HMGCLL1: variants seen among roughly 807,000 people sequenced by gnomAD.
The protein encoded by HMGCLL1 is 3-hydroxymethyl-3-methylglutaryl-CoA lyase, cytoplasmic.
In HMGCLL1, 36 loss-of-function variants were observed where a neutral mutation model predicts 39.1. The ratio of observed to expected loss-of-function variants is 0.92; its 90% confidence interval spans 0.71 to 1.22. The LOEUF (loss-of-function observed/expected upper bound fraction) is 1.22. Among genes scored for constraint, HMGCLL1 ranks in the 50% most tolerant of loss-of-function variants. The pLI is 0.00. For missense variants in HMGCLL1, 451 were observed against 416.5 expected (o/e 1.08, Z -0.72); for synonymous variants, 149 against 144.0 (o/e 1.03, Z -0.25).
chr6:55,596,447 T>C, the HMGCLL1 span, among the ~76,000 whole-genome samples: 1 of 152,200 alleles, frequency 6.6e-6, no homozygotes, highest in African/African-American at 2.4e-5. Context: ...AAACAAAGCC[T>C]GCAGACAGAT....
chr6:55,513,127 ACTC>A (rs1561928096), intron 5 of HMGCLL1: 1 of 151,676 alleles, frequency 6.6e-6, no homozygotes, highest in Non-Finnish European at 1.5e-5. Flanking sequence ...GCTTTCTACT[ACTC>A]TGTCCTGTCA....
intron 1 of HMGCLL1, chr6:55,566,495 G>A (rs2127473546): frequency 2.6e-6 from 1 of 382,084 alleles, no homozygotes; most frequent in East Asian, 7.4e-5. Flanking sequence ...TGACATTTGA[G>A]GCACTTACTA....
chr6:55,438,354 T>G (rs556544873), intron 8 of HMGCLL1, among the ~76,000 whole-genome samples: 34 of 152,164 alleles, frequency 2.2e-4, no homozygotes, highest in Admixed American at 2.0e-3. Flanking sequence ...AGGCACCAAG[T>G]ATAAAGTATG....
chr6:55,440,320 C>T (rs1193705275), intron 7 of HMGCLL1, among the ~76,000 whole-genome samples: 2 of 152,134 alleles, frequency 1.3e-5, no homozygotes, highest in South Asian at 2.1e-4. Flanking sequence ...AGGGAATAAA[C>T]AATTTACCCA....
the HMGCLL1 span, among the ~76,000 whole-genome samples, chr6:55,648,364 T>A: frequency 7.0e-6 from 1 of 142,788 alleles, no homozygotes; most frequent in African/African-American, 2.6e-5. Context: ...ATAACTAAAA[T>A]CAGAGCAGAA....
In HMGCLL1 at chr6:55,578,482, G is replaced by C. The variant is rs529199665; in HGVS notation, c.108+466C>G. ...ATACATTTGGGATAATTAATGTTCTGATGGATTATTTCATCCTACTATGTC... is the reference window on the plus strand; with the variant it reads ...ATACATTTGGGATAATTAATGTTCTCATGGATTATTTCATCCTACTATGTC... On this transcript the variant is annotated intron_variant, in intron 1 of 8. Coordinates refer to ENST00000274901, the MANE Select transcript of HMGCLL1 (RefSeq NM_001042406.2). 2.0e-5 allele frequency among the ~76,000 whole-genome samples: 3 copies of C among 152,278 alleles called. No homozygotes were observed. In the East Asian group the frequency reaches 5.8e-4, roughly 29 times the overall value.
At chr6:55,605,747 G>A in the HMGCLL1 span, among the ~76,000 whole-genome samples, 1 of 152,048 alleles carries the variant, frequency 6.6e-6, no homozygotes, top group African/African-American at 2.4e-5. Flanking sequence ...CAGTAATAGT[G>A]AGTAACCAGT....
At chr6:55,462,030 A>C (rs1764588903) in intron 7 of HMGCLL1, among the ~76,000 whole-genome samples, 1 of 152,194 alleles carries the variant, frequency 6.6e-6, no homozygotes, top group African/African-American at 2.4e-5. Flanking sequence ...GCAAATCAAC[A>C]CCAAACAATC....
At chr6:55,482,532 G>T (rs1301468846) in intron 7 of HMGCLL1, among the ~76,000 whole-genome samples, 1 of 152,016 alleles carries the variant, frequency 6.6e-6, no homozygotes, top group African/African-American at 2.4e-5. Context: ...GTTCCAAAAT[G>T]TCTATTTAGA....
At chr6:55,509,453 T>C (rs1350899037) in intron 5 of HMGCLL1, among the ~76,000 whole-genome samples, 1 of 151,800 alleles carries the variant, frequency 6.6e-6, no homozygotes, top group Non-Finnish European at 1.5e-5. Context: ...AGGATCTGAG[T>C]CCATACTGAG....
intron 5 of HMGCLL1, among the ~76,000 whole-genome samples, chr6:55,500,653 T>C (rs56918417): frequency 6.6e-6 from 1 of 151,964 alleles, no homozygotes; most frequent in African/African-American, 2.4e-5. Context: ...TGGAAAGTTA[T>C]GCCAGACAGG....
chr6:55,471,680 TTC>T (rs957901319), intron 7 of HMGCLL1, among the ~76,000 whole-genome samples: 221 of 151,496 alleles, frequency 1.5e-3, no homozygotes, highest in African/African-American at 5.0e-3. Flanking sequence ...TTATATTTTT[TTC>T]TTTTTTTAAA....
rs1561878370 is a variant in HMGCLL1 at position 55,435,149 on chromosome 6, A to C, written c.*513T>G. The C allele has an allele frequency of 6.6e-6, 1 of 152,576 alleles. No individual in the cohort carries two copies. Among genetic ancestry groups the C allele is most frequent in the Non-Finnish European group, 1.5e-5 (1 of 68,022 alleles). 9.5% of individuals were successfully genotyped at this position (152,576 alleles called of 1,614,324 possible). On this transcript the variant is annotated 3_prime_UTR_variant, in exon 9 of 9. Coordinates refer to ENST00000274901, the MANE Select transcript of HMGCLL1 (RefSeq NM_001042406.2). ...TTGAAATATAAAAGTTCTATTGCTAAAATTATGTAGGGTCAGATGGAGATT... is the reference window on the plus strand; with the variant it reads ...TTGAAATATAAAAGTTCTATTGCTACAATTATGTAGGGTCAGATGGAGATT...
intron 7 of HMGCLL1, among the ~76,000 whole-genome samples, chr6:55,446,593 A>G (rs1400748981): frequency 6.6e-6 from 1 of 151,900 alleles, no homozygotes; most frequent in Non-Finnish European, 1.5e-5. Context: ...TAAACATATC[A>G]TGTCTGTATT....
At chr6:55,655,536 G>GTAGATAGATAGATAGATAGATAGATAGA in the HMGCLL1 span, among the ~76,000 whole-genome samples, 3 of 147,620 alleles carry the variant, frequency 2.0e-5, no homozygotes, top group African/African-American at 2.5e-5. Context: ...AGTTATATTG[G>GTAGATAGATAGATAGATAGATAGATAGA]TAGATAGATA....
the HMGCLL1 span, among the ~76,000 whole-genome samples, chr6:55,586,056 C>T: frequency 5.9e-5 from 9 of 151,918 alleles, no homozygotes; most frequent in African/African-American, 1.2e-4. Context: ...TTAATAAATA[C>T]GGGGCCATAT....
chr6:55,448,141 A>G (rs1015917446), intron 7 of HMGCLL1, among the ~76,000 whole-genome samples: 98 of 152,238 alleles, frequency 6.4e-4, no homozygotes, highest in African/African-American at 2.2e-3. Context: ...GAAGACAGCC[A>G]GAAATATTCA....
intron 1 of HMGCLL1, among the ~76,000 whole-genome samples, chr6:55,545,628 T>G (rs1005200569): frequency 2.6e-5 from 4 of 152,050 alleles, no homozygotes; most frequent in Non-Finnish European, 5.9e-5. Flanking sequence ...TATATATAAG[T>G]GTAAGATAGA....
At chr6:55,646,130 A>G in the HMGCLL1 span, among the ~76,000 whole-genome samples, 1 of 151,846 alleles carries the variant, frequency 6.6e-6, no homozygotes, top group African/African-American at 2.4e-5. Flanking sequence ...GGTAGGTTAT[A>G]TGTGTCTAGG....
Sources: allele counts gnomAD v4.1 joint callset (sites outside exome capture counted in the v4.1 genomes callset), GRCh38; gene constraint gnomAD v4.1.1; transcripts MANE v1.5; gene names NCBI Gene and HGNC (gene_info 2026-07-23, HGNC 2026-07-21).